The following MAP3K15 variants were observed in gnomAD, a reference collection of about 807,000 sequenced individuals.
MAP3K15 encodes the protein mitogen-activated protein kinase kinase kinase 15.
MAP3K15 carries 124 observed loss-of-function variants against 99.5 expected under a neutral mutation model. That is an observed-to-expected ratio of 1.25 (90% CI 1.08 to 1.45). MAP3K15 has a LOEUF of 1.45. Among genes scored for constraint, MAP3K15 ranks in the 40% most tolerant of loss-of-function variants. The pLI is 0.00. For missense variants in MAP3K15, 1,242 were observed against 1,079.7 expected (o/e 1.15, Z -2.11); for synonymous variants, 494 against 439.6 (o/e 1.12, Z -1.55).
intron 4 of MAP3K15, among the ~76,000 whole-genome samples, chrX:19,462,151 C>T (rs2064137647): frequency 9.0e-6 from 1 of 110,836 alleles, no homozygotes; most frequent in African/African-American, 3.3e-5. Flanking sequence ...ACATGAGATA[C>T]GATAAGAACA....
intron 1 of MAP3K15, among the ~76,000 whole-genome samples, chrX:19,499,645 G>T (rs1268150094): frequency 1.8e-5 from 2 of 112,003 alleles, no homozygotes; most frequent in African/African-American, 6.5e-5. Context: ...CTGTATGGAC[G>T]AATCTCAAAA....
At chrX:19,374,448 GC>G (rs766366455) in intron 20 of MAP3K15, 28 bp downstream of exon 20, 1 of 1,187,677 alleles carries the variant, frequency 8.4e-7, no homozygotes, top group Non-Finnish European at 1.1e-6. Flanking sequence ...TGGCCAGGGT[GC>G]TGCCCCAGCT....
chrX:19,499,033 T>C (rs2064424672), intron 1 of MAP3K15, among the ~76,000 whole-genome samples: 1 of 111,863 alleles, frequency 8.9e-6, no homozygotes, highest in South Asian at 3.8e-4. Flanking sequence ...ACAAAATATA[T>C]GACAAAGCAC....
rs767752495 is a variant in MAP3K15 at position 19,392,348 on chromosome X, T to C, written c.2320A>G (p.Ile774Val). Residue 774 changes from isoleucine (I) to valine (V), a missense_variant, in exon 17 of 29, where the codon ATA becomes GTA. By Grantham distance (29) the Ile-to-Val change is conservative. Coordinates refer to ENST00000338883, the MANE Select transcript of MAP3K15 (RefSeq NM_001001671.4). ...LHENQIVHRD[I>V]KGDNVLVNTY... ...CAGCTTAAAAAAGCAAGTACCTTTA[T>C]GTCTCTGTGCACGATCTGGTTTTCA... 3 of 1,204,761 alleles carry C rather than the reference T, an allele frequency of 2.5e-6. No homozygotes were observed. Among genetic ancestry groups the C allele is most frequent in the African/African-American group, 3.5e-5 (2 of 56,874 alleles).
At chrX:19,481,172 A>G (rs1229970081) in intron 3 of MAP3K15, among the ~76,000 whole-genome samples, 3 of 108,811 alleles carry the variant, frequency 2.8e-5, no homozygotes, top group Non-Finnish European at 5.7e-5. Context: ...AAGAGTAGAC[A>G]CATATGTCAA....
Position 19,392,057 on chromosome X carries a change from A to G in MAP3K15, c.2376T>C (p.Asp792=). 2 of 1,211,463 alleles carry G rather than the reference A, an allele frequency of 1.7e-6. No homozygotes were observed. Among genetic ancestry groups the G allele is most frequent in the Non-Finnish European group, 2.2e-6 (2 of 895,114 alleles). Residue 792 remains aspartate (D), a synonymous_variant, in exon 18 of 29, where the codon GAT becomes GAC. Transcript: ENST00000338883. The stretch of plus-strand genomic sequence containing the variant: ...CCGCAAGACGTTTCGAGGTTCCAAA[A>G]TCGGAGATTTTCACCACTCCGCTGT... ...NTYSGVVKIS[D]FGTSKRLAGV...
At chrX:19,414,914 C>T (rs982459008) in intron 10 of MAP3K15, among the ~76,000 whole-genome samples, 193 bp downstream of exon 10, 1 of 111,998 alleles carries the variant, frequency 8.9e-6, no homozygotes, top group Non-Finnish European at 1.9e-5. Context: ...AGAATGACTA[C>T]TATAGAGGAT....
Position 19,477,720 on chromosome X carries a change from A to G in MAP3K15, c.525+8762T>C, listed in dbSNP as rs748269822. ...GCAAGAGTGTTAGAAAAAAAAAAAA[A>G]AAGAAGAAAAGAAGGGGAAAAGAAA... On this transcript the variant is annotated intron_variant, in intron 3 of 28. Transcript: ENST00000338883. Among the ~76,000 whole-genome samples the G allele has an allele frequency of 2.6e-3, 220 of 83,201 alleles. 2 individuals carry two copies. Among genetic ancestry groups the G allele is most frequent in the African/African-American group, 8.7e-3 (204 of 23,578 alleles). 72.3% of individuals were successfully genotyped at this position (83,201 alleles called of 115,157 possible).
At chrX:19,502,060 T>A (rs1214527036) in intron 1 of MAP3K15, among the ~76,000 whole-genome samples, 1 of 112,195 alleles carries the variant, frequency 8.9e-6, no homozygotes, top group East Asian at 2.8e-4. Flanking sequence ...AGACTCAGTC[T>A]CAAAAAGTAA....
At chrX:19,475,757 C>G (rs1199494527) in intron 3 of MAP3K15, among the ~76,000 whole-genome samples, 1 of 112,142 alleles carries the variant, frequency 8.9e-6, no homozygotes, top group African/African-American at 3.2e-5. Context: ...ATTTGCTCCT[C>G]AGCTGGCTCC....
At chrX:19,457,066 T>G in intron 5 of MAP3K15, 47 bp from the exon 6 acceptor site, 31 of 925,216 alleles carry the variant, frequency 3.4e-5, no homozygotes, top group Non-Finnish European at 4.4e-5. Context: ...AACACAGCTC[T>G]TCACTGATTT....
chrX:19,447,019 G>A (rs945387208), intron 6 of MAP3K15, among the ~76,000 whole-genome samples: 3 of 110,829 alleles, frequency 2.7e-5, no homozygotes, highest in Non-Finnish European at 5.7e-5. Context: ...GGGCTCATGC[G>A]CTACTCCTGC....
intron 1 of MAP3K15, among the ~76,000 whole-genome samples, chrX:19,492,039 G>A (rs1353530818): frequency 9.3e-6 from 1 of 107,713 alleles, no homozygotes; most frequent in Non-Finnish European, 1.9e-5. Context: ...TGCCCAGGGT[G>A]GTCTTGAACT....
At chrX:19,403,624 A>C (rs1482599479) in intron 13 of MAP3K15, among the ~76,000 whole-genome samples, 3 of 84,335 alleles carry the variant, frequency 3.6e-5, no homozygotes, top group East Asian at 6.0e-4. Context: ...ATGCTGAGCT[A>C]ATTTTTTTTT....
At chrX:19,489,197 T>G (rs1236511586) in intron 1 of MAP3K15, among the ~76,000 whole-genome samples, 1 of 111,928 alleles carries the variant, frequency 8.9e-6, no homozygotes, top group South Asian at 3.7e-4. Context: ...TAACCTCACT[T>G]AGAACTTGCT....
chrX:19,432,015 A>G (rs1183838651), intron 6 of MAP3K15, among the ~76,000 whole-genome samples: 2 of 107,631 alleles, frequency 1.9e-5, no homozygotes, highest in Admixed American at 2.0e-4. Context: ...GACAGGTGCA[A>G]GGATGCTGTA....
intron 6 of MAP3K15, among the ~76,000 whole-genome samples, chrX:19,436,523 G>A (rs1283862663): frequency 9.0e-6 from 1 of 111,030 alleles, no homozygotes; most frequent in African/African-American, 3.3e-5. Flanking sequence ...ATCATCCATT[G>A]CCATGACTTT....
intron 6 of MAP3K15, among the ~76,000 whole-genome samples, chrX:19,449,824 G>A (rs1008401584): frequency 9.1e-6 from 1 of 109,372 alleles, no homozygotes; most frequent in African/African-American, 3.3e-5. Context: ...TTTCTCTTAA[G>A]AATTTTTTTT....
intron 25 of MAP3K15, among the ~76,000 whole-genome samples, chrX:19,365,063 T>C (rs998469681): frequency 1.2e-4 from 13 of 107,567 alleles, no homozygotes; most frequent in Non-Finnish European, 2.3e-4. Flanking sequence ...AATCAGCCAG[T>C]TGTGGTGGCG....
Sources: gnomAD v4.1 joint callset for allele counts (sites outside exome capture counted in the v4.1 genomes callset) on GRCh38, gnomAD v4.1.1 for gene constraint, MANE v1.5 for transcripts, NCBI Gene and HGNC (gene_info 2026-07-23, HGNC 2026-07-21) for gene names.